Variants in TLN2 observed in about 807,000 individuals in gnomAD.
TLN2 encodes the protein talin-2.
TLN2 carries 118 observed loss-of-function variants against 294.7 expected under a neutral mutation model. The observed-to-expected ratio is 0.40, with a 90% CI of 0.34 to 0.47. The LOEUF (loss-of-function observed/expected upper bound fraction) is 0.47, where lower values mean the gene tolerates loss of function less well. TLN2 is among the 20% of genes least tolerant of loss of function. TLN2 has a pLI of 0.84. For synonymous variants in TLN2, 1,431 were observed against 1,304.5 expected (o/e 1.10, Z -2.09); for missense variants, 3,083 against 3,282.2 (o/e 0.94, Z 1.48).
intron 54 of TLN2, chr15:62,824,127 T>C: frequency 2.7e-6 from 1 of 369,952 alleles, no homozygotes; most frequent in South Asian, 2.1e-5. Context: ...GATGGAGCAC[T>C]CATTACAATT....
intron 1 of TLN2, among the ~76,000 whole-genome samples, chr15:62,504,691 A>T (rs1184501506): frequency 2.0e-5 from 3 of 152,210 alleles, no homozygotes; most frequent in Non-Finnish European, 4.4e-5. Flanking sequence ...TGGATCGTAG[A>T]CTTTAAGTAA....
At chr15:62,537,665 G>T (rs2041438964) in intron 1 of TLN2, among the ~76,000 whole-genome samples, 1 of 152,168 alleles carries the variant, frequency 6.6e-6, no homozygotes, top group African/African-American at 2.4e-5. Context: ...CTCAGCCAGT[G>T]TAAGTTAGGG....
At chr15:62,826,438 C>G (rs1434651474) in intron 54 of TLN2, among the ~76,000 whole-genome samples, 29 of 152,170 alleles carry the variant, frequency 1.9e-4, no homozygotes, top group Admixed American at 1.9e-3. Context: ...TCTCTGCCAC[C>G]CATTTTGCCT....
intron 1 of TLN2, among the ~76,000 whole-genome samples, chr15:62,398,662 A>G (rs2032758984): frequency 6.6e-6 from 1 of 152,014 alleles, no homozygotes; most frequent in South Asian, 2.1e-4. Flanking sequence ...AGCCAAGGTG[A>G]CTCTTGCTAT....
intron 1 of TLN2, among the ~76,000 whole-genome samples, chr15:62,556,973 T>C (rs530911517): frequency 2.0e-5 from 3 of 152,356 alleles, no homozygotes; most frequent in Admixed American, 2.0e-4. Context: ...TTGGCAGTGA[T>C]ATGAGATGTG....
At chr15:62,648,278 G>T (rs1427452145) in intron 4 of TLN2, among the ~76,000 whole-genome samples, 1 of 151,892 alleles carries the variant, frequency 6.6e-6, no homozygotes, top group East Asian at 1.9e-4. Context: ...AAAATTAGCT[G>T]AGTGTCGTGG....
chr15:62,742,889 G>A (rs1237933196), intron 32 of TLN2, among the ~76,000 whole-genome samples: 2 of 152,176 alleles, frequency 1.3e-5, no homozygotes, highest in Non-Finnish European at 2.9e-5. Context: ...CTCCTCTTGG[G>A]ACACAAAGCT....
chr15:62,726,165 G>T (rs1294078936), intron 27 of TLN2, among the ~76,000 whole-genome samples: 1 of 152,166 alleles, frequency 6.6e-6, no homozygotes, highest in African/African-American at 2.4e-5. Flanking sequence ...CCATCTTTAC[G>T]TAGAGCATAG....
At chr15:62,735,411 G>A (rs1295238624) in intron 28 of TLN2, among the ~76,000 whole-genome samples, 5 of 152,206 alleles carry the variant, frequency 3.3e-5, no homozygotes, top group Non-Finnish European at 7.3e-5. Flanking sequence ...CATCTGTTTA[G>A]ATGCAAATTT....
chr15:62,766,406 C>T lies in TLN2; in HGVS notation c.5180C>T (p.Ala1727Val), dbSNP rs1379731797. Residue 1727 changes from alanine (A) to valine (V), a missense_variant, in exon 41 of 59, where the codon GCT (alanine) becomes GTT (valine). Physicochemically the swap from Ala to Val is moderately conservative, Grantham distance 64 (BLOSUM62 0). Transcript: ENST00000636159. ...GCCACAGCGGCTCGGGGAGAAGCAG[C>T]TCAGCTGGGACATAAGGTAATGCAC... ...PIATAARGEA[A>V]QLGHKVTQLA... 6.2e-7 allele frequency: 1 copy of T among 1,611,410 alleles called. No individual in the cohort carries two copies. The highest frequency in any genetic ancestry group is 8.5e-7 in the Non-Finnish European group (1 of 1,177,856).
chr15:62,719,988 C>A (rs534152071), intron 25 of TLN2, 108 bp downstream of exon 25: 2 of 816,982 alleles, frequency 2.4e-6, no homozygotes, highest in Non-Finnish European at 3.5e-6. Flanking sequence ...TAAGTCTTTG[C>A]GGTAGGCAGG....
At chr15:62,835,112 G>C (rs2069356377) in intron 55 of TLN2, 1 of 152,764 alleles carries the variant, frequency 6.5e-6, no homozygotes, top group African/African-American at 2.4e-5. Flanking sequence ...AAGCTTCAAG[G>C]TATTTCCTCC....
intron 50 of TLN2, among the ~76,000 whole-genome samples, chr15:62,803,265 C>A (rs370774828): frequency 6.6e-6 from 1 of 151,992 alleles, no homozygotes; most frequent in Non-Finnish European, 1.5e-5. Flanking sequence ...TATCCTTGAC[C>A]TTTGGGAGTT....
At chr15:62,503,100 ACT>A (rs138005079) in intron 1 of TLN2, among the ~76,000 whole-genome samples, 17,816 of 152,220 alleles carry the variant, frequency 0.12, 1,093 homozygotes, top group African/African-American at 0.13. Flanking sequence ...CAGATTGCAG[ACT>A]CTGCTACAAC....
At chr15:62,621,030 G>C (rs1475943736) in intron 3 of TLN2, among the ~76,000 whole-genome samples, 1 of 151,088 alleles carries the variant, frequency 6.6e-6, no homozygotes, top group Admixed American at 6.6e-5. Flanking sequence ...TAGTAGAGAC[G>C]GGGTTTCACC....
chr15:62,748,546 A>G, intron 33 of TLN2, 102 bp downstream of exon 33: 1 of 980,340 alleles, frequency 1.0e-6, no homozygotes. Context: ...CTTTCCCTAT[A>G]GGGCTAGTTT....
chr15:62,395,900 A>AT (rs1566939818), intron 1 of TLN2, among the ~76,000 whole-genome samples: 1 of 152,008 alleles, frequency 6.6e-6, no homozygotes, highest in Non-Finnish European at 1.5e-5. Flanking sequence ...CAGTGGCTTG[A>AT]TGTGGGCTCA....
intron 51 of TLN2, among the ~76,000 whole-genome samples, chr15:62,808,481 A>G (rs1205197821): frequency 6.6e-6 from 1 of 152,208 alleles, no homozygotes; most frequent in Non-Finnish European, 1.5e-5. Context: ...CAAGATTCCT[A>G]GAAATAGAAT....
rs768872594 is a variant in TLN2 at position 62,840,599 on chromosome 15, G to A, written c.7618G>A (p.Asp2540Asn). 1.9e-6 allele frequency: 3 copies of A among 1,614,140 alleles called. No individual in the cohort carries two copies. The highest frequency in any genetic ancestry group is 1.3e-5 in the African/African-American group (1 of 75,082). The change falls in exon 59 of 59, where the codon GAT (aspartate) becomes AAT (asparagine). Residue 2540 changes from aspartate (D) to asparagine (N), a missense_variant. Coordinates refer to ENST00000636159, the MANE Select transcript of TLN2 (RefSeq NM_015059.3). ...YKFLPTELRE[D>N]EG is the part of the protein sequence containing the mutation. ...GTTTTTACCCACCGAGCTGAGGGAA[G>A]ATGAGGGCTAAAGGTGCGAGCCCAG...
Sources: allele counts gnomAD v4.1 joint callset (sites outside exome capture counted in the v4.1 genomes callset), GRCh38; gene constraint gnomAD v4.1.1; transcripts MANE v1.5; gene names NCBI Gene and HGNC (gene_info 2026-07-23, HGNC 2026-07-21).